Variants in RSPO3 observed in about 807,000 individuals in gnomAD.
RSPO3 encodes R-spondin-3.
A neutral mutation model predicts 36.5 loss-of-function variants in RSPO3; 17 were observed. The ratio of observed to expected loss-of-function variants is 0.47; its 90% CI spans 0.32 to 0.70. The LOEUF (loss-of-function observed/expected upper bound fraction) is 0.70, where lower values mean the gene tolerates loss of function less well. RSPO3 is among the 30% of genes least tolerant of loss of function. RSPO3 has a pLI of 0.04. For missense variants in RSPO3, 294 were observed against 322.5 expected (o/e 0.91, Z 0.68); for synonymous variants, 108 against 107.0 (o/e 1.01, Z -0.06).
intron 3 of RSPO3, among the ~76,000 whole-genome samples, chr6:127,153,333 C>A (rs1489477514): frequency 2.0e-5 from 3 of 148,024 alleles, no homozygotes; most frequent in Non-Finnish European, 3.0e-5. Context: ...GTCTTTAGCA[C>A]TTTTTTTTTT....
intron 4 of RSPO3, among the ~76,000 whole-genome samples, chr6:127,161,084 A>T (rs543072748): frequency 6.6e-6 from 1 of 151,950 alleles, no homozygotes; most frequent in African/African-American, 2.4e-5. Context: ...TTTATTATCC[A>T]TGTAGGTGAA....
chr6:127,177,119 G>T (rs761124677), intron 4 of RSPO3, among the ~76,000 whole-genome samples: 2 of 151,776 alleles, frequency 1.3e-5, no homozygotes, highest in South Asian at 4.1e-4. Context: ...TAAGTCTATT[G>T]CTCACATCAA....
rs180996268 is a variant in RSPO3, at chr6:127,192,715, G to A, written c.635-3108G>A. On this transcript the variant is annotated intron_variant, in intron 4 of 4. Transcript: ENST00000356698. ...TCCAAAACCCAGTTCAGGCAGGTAC[G>A]TGCGTGTACACATGCACACAAACAT... The A allele has an allele frequency of 1.8e-5, 18 of 983,066 alleles. No homozygotes were observed. In the Admixed American group the frequency reaches 8.6e-4, roughly 47 times the overall value. The allele number at this position is 983,066 out of a possible 1,614,324, so 60.9% of individuals were successfully genotyped here.
Position 127,155,451 on chromosome 6 carries a change from T to C in RSPO3, c.634+13T>C. 1 of 1,607,918 alleles carries C rather than the reference T, an allele frequency of 6.2e-7. No homozygotes were observed. Among genetic ancestry groups the C allele is most frequent in the Non-Finnish European group, 8.5e-7 (1 of 1,175,300 alleles). On this transcript the variant is annotated intron_variant, in intron 4 of 4. Coordinates refer to ENST00000356698, the MANE Select transcript of RSPO3 (RefSeq NM_032784.5). ...AAGGGAGAACGAGGTACAATCATAA[T>C]AACAAAATGTGCTTGTTTGAATCCT...
intron 4 of RSPO3, among the ~76,000 whole-genome samples, chr6:127,189,320 A>C (rs903154797): frequency 6.6e-6 from 1 of 151,528 alleles, no homozygotes; most frequent in African/African-American, 2.4e-5. Flanking sequence ...AGTTAGGGCA[A>C]GGGATCTAGA....
intron 4 of RSPO3, among the ~76,000 whole-genome samples, chr6:127,161,732 A>T (rs75093056): frequency 6.6e-6 from 1 of 152,224 alleles, no homozygotes; most frequent in Non-Finnish European, 1.5e-5. Context: ...CTGAGATTTC[A>T]CTTAGTGATA....
chr6:127,150,486 G>T lies in RSPO3; in HGVS notation c.350G>T (p.Gly117Val). The change falls in exon 3 of 5, where the codon GGA (glycine) becomes GTA (valine). Residue 117 changes from glycine to valine, a missense_variant. This residue lies in a region of RSPO3 where 190 missense variants were observed against 185.2 expected (regional missense o/e 1.03). Transcript: ENST00000356698. Reference protein sequence around the residue: ...NKNFCTKCKSGFYLHLGKCLD... With the variant: ...NKNFCTKCKSVFYLHLGKCLD... ...AATTTCTGCACAAAATGTAAAAGTGGATTTTACTTACACCTTGGAAAGTGC... is the reference window on the plus strand; with the variant it reads ...AATTTCTGCACAAAATGTAAAAGTGTATTTTACTTACACCTTGGAAAGTGC... 1 of 1,612,394 alleles carries T rather than the reference G, an allele frequency of 6.2e-7. No individual in the cohort carries two copies. The highest frequency in any genetic ancestry group is 8.5e-7 in the Non-Finnish European group (1 of 1,179,080).
intron 4 of RSPO3, among the ~76,000 whole-genome samples, chr6:127,167,995 T>C (rs1349862337): frequency 6.6e-6 from 1 of 152,154 alleles, no homozygotes; most frequent in Non-Finnish European, 1.5e-5. Flanking sequence ...CACATTTTCT[T>C]AATCCAGTCT....
intron 4 of RSPO3, among the ~76,000 whole-genome samples, chr6:127,191,883 C>G (rs1279487388): frequency 6.6e-6 from 1 of 152,166 alleles, no homozygotes; most frequent in African/African-American, 2.4e-5. Flanking sequence ...GCAATTGAAG[C>G]CCGTATATCT....
chr6:127,183,857 A>C (rs139902341), intron 4 of RSPO3, among the ~76,000 whole-genome samples: 1 of 152,110 alleles, frequency 6.6e-6, no homozygotes, highest in African/African-American at 2.4e-5. Flanking sequence ...TAAAGACATA[A>C]CCGAGACTGG....
At position 127,150,533 on chromosome 6, in the gene RSPO3, T is replaced by C. The variant is rs748128541; in HGVS notation, c.397T>C (p.Leu133=). Residue 133 remains leucine (L), a synonymous_variant, in exon 3 of 5, where the codon TTG becomes CTG. Transcript: ENST00000356698. ...GTGCCTTGACAATTGCCCAGAAGGG[T>C]TGGAAGCCAACAACCATACTATGGA... The part of the protein sequence containing the change: ...GKCLDNCPEG[L]EANNHTMECV... The C allele has an allele frequency of 3.0e-5, 49 of 1,611,752 alleles. No homozygotes were observed. Among genetic ancestry groups the C allele is most frequent in the Admixed American group, 1.7e-4 (10 of 59,778 alleles).
At chr6:127,156,723 T>C (rs1774603691) in intron 4 of RSPO3, among the ~76,000 whole-genome samples, 1 of 152,148 alleles carries the variant, frequency 6.6e-6, no homozygotes, top group Admixed American at 6.6e-5. Context: ...ATTGTGAAGG[T>C]ACACCAGAGT....
intron 4 of RSPO3, among the ~76,000 whole-genome samples, chr6:127,155,841 T>C (rs560705769): frequency 1.8e-4 from 27 of 151,752 alleles, no homozygotes; most frequent in African/African-American, 5.8e-4. Context: ...CAAACCAAAG[T>C]AGTGAAATGT....
chr6:127,127,015 T>C (rs1773951329), intron 1 of RSPO3, among the ~76,000 whole-genome samples: 1 of 152,110 alleles, frequency 6.6e-6, no homozygotes, highest in Non-Finnish European at 1.5e-5. Context: ...AGTAACGCAA[T>C]GTGCTACATT....
chr6:127,137,519 A>C (rs990935454), intron 1 of RSPO3, among the ~76,000 whole-genome samples: 2 of 152,052 alleles, frequency 1.3e-5, no homozygotes, highest in Middle Eastern at 3.2e-3. Context: ...GATACCTCTA[A>C]AGTTCCCAAA....
rs1773785072 is a variant in RSPO3, at chr6:127,119,287, G to A, written c.95G>A (p.Arg32Lys). 6.2e-7 allele frequency: 1 copy of A among 1,611,160 alleles called. No individual in the cohort carries two copies. Among genetic ancestry groups the A allele is most frequent in the Non-Finnish European group, 8.5e-7 (1 of 1,177,842 alleles). The change falls in exon 1 of 5, where the codon AGA becomes AAA. Residue 32 changes from arginine to lysine, a missense_variant and splice_region_variant. Transcript: ENST00000356698. ...QNASRGRRQR[R>K]MHPNVSQGCQ... ...GCCTCCCGGGGAAGGCGCCAGCGAA[G>A]AAGTAAGTGCAGGGTTTTTTACGCG...
intron 4 of RSPO3, among the ~76,000 whole-genome samples, chr6:127,171,317 C>T (rs1774930503): frequency 6.6e-6 from 1 of 151,668 alleles, no homozygotes; most frequent in Non-Finnish European, 1.5e-5. Flanking sequence ...AGGCATTGTG[C>T]AGAGGTTATA....
intron 1 of RSPO3, among the ~76,000 whole-genome samples, chr6:127,127,514 C>A (rs1773961801): frequency 6.6e-6 from 1 of 152,070 alleles, no homozygotes; most frequent in Admixed American, 6.5e-5. Flanking sequence ...AGTTATTACT[C>A]AATAGCTCCC....
chr6:127,155,242 G>T lies in RSPO3; in HGVS notation c.438G>T (p.Val146=), dbSNP rs1774569428. 5 of 1,613,614 alleles carry T rather than the reference G, an allele frequency of 3.1e-6. No individual in the cohort carries two copies. Among genetic ancestry groups the T allele is most frequent in the Non-Finnish European group, 4.2e-6 (5 of 1,179,672 alleles). The change falls in exon 4 of 5, where the codon GTG becomes GTT. Residue 146 remains valine, a splice_region_variant and synonymous_variant. Coordinates refer to ENST00000356698, the MANE Select transcript of RSPO3 (RefSeq NM_032784.5). The part of the protein sequence containing the change: ...NNHTMECVSI[V]HCEVSEWNPW... Reference sequence around the variant, plus strand: ...TCTGTTTCTTCTGTTCTGTTTCAGTGCACTGTGAGGTCAGTGAATGGAATC... The same window carrying T: ...TCTGTTTCTTCTGTTCTGTTTCAGTTCACTGTGAGGTCAGTGAATGGAATC...
Sources: gnomAD v4.1 joint callset for allele counts (sites outside exome capture counted in the v4.1 genomes callset) on GRCh38, gnomAD v4.1.1 for gene constraint, gnomAD v4.1.1 regional missense constraint, MANE v1.5 for transcripts, NCBI Gene and HGNC (gene_info 2026-07-23, HGNC 2026-07-21) for gene names.